Variants in CLMP observed in about 807,000 individuals in gnomAD.
CLMP encodes the protein CXADR like cell adhesion molecule, also known as CXADR-like membrane protein.
Under a neutral mutation model 45.2 loss-of-function variants are expected in CLMP, and 27 were observed. The ratio of observed to expected loss-of-function variants is 0.60; its 90% CI spans 0.44 to 0.82. The LOEUF (loss-of-function observed/expected upper bound fraction) is 0.82. Among genes scored for constraint, CLMP ranks in the 40% least tolerant of loss-of-function variants. The pLI is 0.00. For missense variants in CLMP, 403 were observed against 448.4 expected (o/e 0.90, Z 0.91); for synonymous variants, 167 against 171.4 (o/e 0.97, Z 0.20).
intron 1 of CLMP, among the ~76,000 whole-genome samples, chr11:123,105,824 T>G (rs1228613030): frequency 1.1e-4 from 10 of 92,300 alleles, no homozygotes; most frequent in African/African-American, 4.1e-4. Flanking sequence ...TTGTTTTTTG[T>G]TTTTTTTTTT....
intron 1 of CLMP, among the ~76,000 whole-genome samples, chr11:123,137,756 G>A (rs889579296): frequency 6.6e-6 from 1 of 152,096 alleles, no homozygotes; most frequent in Non-Finnish European, 1.5e-5. Flanking sequence ...TCAGTTGGGC[G>A]CCCCGAAGCT....
chr11:123,119,913 C>T (rs143414188), intron 1 of CLMP, among the ~76,000 whole-genome samples: 10,353 of 152,200 alleles, frequency 0.068, 479 homozygotes, highest in East Asian at 0.16. Context: ...TCTCGAACTC[C>T]TGACCTCAGG....
intron 5 of CLMP, among the ~76,000 whole-genome samples, chr11:123,081,427 G>C (rs978445334): frequency 6.7e-6 from 1 of 149,776 alleles, no homozygotes; most frequent in Non-Finnish European, 1.5e-5. Flanking sequence ...AACATGGCTT[G>C]TGGATATAGG....
intron 1 of CLMP, among the ~76,000 whole-genome samples, chr11:123,099,348 A>G (rs1181207743): frequency 1.3e-5 from 2 of 152,204 alleles, no homozygotes; most frequent in East Asian, 3.8e-4. Flanking sequence ...AGAAGGATGA[A>G]AAGACAATTA....
intron 1 of CLMP, among the ~76,000 whole-genome samples, chr11:123,152,575 A>T (rs576578710): frequency 5.3e-5 from 8 of 151,714 alleles, no homozygotes; most frequent in Non-Finnish European, 1.2e-4. Flanking sequence ...AAAAATAAAT[A>T]AAATGAAAGC....
At chr11:123,128,678 T>C (rs1219693223) in intron 1 of CLMP, among the ~76,000 whole-genome samples, 1 of 152,068 alleles carries the variant, frequency 6.6e-6, no homozygotes, top group African/African-American at 2.4e-5. Context: ...AGAAAAAGAC[T>C]GCAAGTTAAA....
Position 123,083,216 on chromosome 11 carries a change from G to A in CLMP, c.557-9C>T. 1 of 1,612,556 alleles carries A rather than the reference G, an allele frequency of 6.2e-7. No homozygotes were observed. The highest frequency in any genetic ancestry group is 8.5e-7 in the Non-Finnish European group (1 of 1,179,180). ...TCCAGGGTGGTTGTAGTCTGCACAA[G>A]CAGAAAGAATGACTGTAAATCCCTT... On this transcript the variant is annotated splice_polypyrimidine_tract_variant and intron_variant, in intron 4 of 6. Transcript: ENST00000448775.
chr11:123,119,907 G>A (rs1214007457), intron 1 of CLMP, among the ~76,000 whole-genome samples: 2 of 151,946 alleles, frequency 1.3e-5, no homozygotes, highest in Admixed American at 6.6e-5. Context: ...GGCTGGTCTC[G>A]AACTCCTGAC....
At chr11:123,100,713 A>G (rs1866046557) in intron 1 of CLMP, among the ~76,000 whole-genome samples, 1 of 152,158 alleles carries the variant, frequency 6.6e-6, no homozygotes, top group Admixed American at 6.5e-5. Context: ...TTGTGCCTCT[A>G]AATGAAGCTC....
chr11:123,082,936 CT>C, intron 5 of CLMP, 148 bp downstream of exon 5: 1 of 919,898 alleles, frequency 1.1e-6, no homozygotes, highest in South Asian at 1.7e-5. Context: ...TTTGCAACTA[CT>C]GAATTTATTT....
intron 1 of CLMP, among the ~76,000 whole-genome samples, chr11:123,153,497 C>T (rs371977755): frequency 1.4e-4 from 22 of 152,210 alleles, no homozygotes; most frequent in African/African-American, 4.8e-4. Context: ...CTAAGGTGGG[C>T]GGCAGCATTC....
At chr11:123,141,114 G>A (rs962987210) in intron 1 of CLMP, among the ~76,000 whole-genome samples, 12 of 151,296 alleles carry the variant, frequency 7.9e-5, no homozygotes, top group Non-Finnish European at 1.8e-4. Flanking sequence ...ATGTACAGCC[G>A]GCAGAGCCAT....
chr11:123,124,119 T>C (rs1860857372), intron 1 of CLMP, among the ~76,000 whole-genome samples: 1 of 152,324 alleles, frequency 6.6e-6, no homozygotes, highest in Middle Eastern at 3.4e-3. Context: ...AGCCCTGTTA[T>C]ATTTTTTTGG....
intron 1 of CLMP, among the ~76,000 whole-genome samples, chr11:123,134,055 T>A (rs1861031473): frequency 6.6e-6 from 1 of 151,340 alleles, no homozygotes; most frequent in Admixed American, 6.6e-5. Flanking sequence ...AGGCCAGGAG[T>A]TCAAGACCAG....
chr11:123,174,124 G>T (rs1002705443), intron 1 of CLMP, among the ~76,000 whole-genome samples: 1 of 152,008 alleles, frequency 6.6e-6, no homozygotes, highest in Non-Finnish European at 1.5e-5. Flanking sequence ...AAAATTCCAG[G>T]CTTAGAAATT....
chr11:123,169,039 G>T (rs1335916022), intron 1 of CLMP, among the ~76,000 whole-genome samples: 1 of 152,104 alleles, frequency 6.6e-6, no homozygotes. Context: ...ACAAAGCTCT[G>T]GTCCCTCAAA....
chr11:123,113,343 A>G (rs1324992559), intron 1 of CLMP, among the ~76,000 whole-genome samples: 1 of 152,164 alleles, frequency 6.6e-6, no homozygotes, highest in Non-Finnish European at 1.5e-5. Context: ...TCAAATAGAG[A>G]CACAAAACAG....
intron 1 of CLMP, among the ~76,000 whole-genome samples, chr11:123,107,976 T>C (rs1860583577): frequency 6.6e-6 from 1 of 150,790 alleles, no homozygotes; most frequent in Admixed American, 6.7e-5. Flanking sequence ...TGACGAGCAA[T>C]TAAGGAAGAC....
At chr11:123,124,561 T>C (rs900953162) in intron 1 of CLMP, among the ~76,000 whole-genome samples, 3 of 152,246 alleles carry the variant, frequency 2.0e-5, no homozygotes, top group African/African-American at 7.2e-5. Flanking sequence ...GCCTCTGCAA[T>C]AATCTAACAA....
Sources: allele counts gnomAD v4.1 joint callset (sites outside exome capture counted in the v4.1 genomes callset), GRCh38; gene constraint gnomAD v4.1.1; transcripts MANE v1.5; gene names NCBI Gene and HGNC (gene_info 2026-07-23, HGNC 2026-07-21).